CNTNAP5: variants seen among roughly 807,000 people sequenced by gnomAD.
CNTNAP5 encodes the protein contactin-associated protein-like 5.
Under a neutral mutation model 150.2 loss-of-function variants are expected in CNTNAP5, and 72 were observed. That is an observed-to-expected ratio of 0.48 (90% CI 0.40 to 0.58). The LOEUF is 0.58. CNTNAP5 is among the 20% of genes least tolerant of loss of function. The pLI is 0.00. For missense variants in CNTNAP5, 1,636 were observed against 1,626.2 expected (o/e 1.01, Z -0.10); for synonymous variants, 672 against 619.8 (o/e 1.08, Z -1.25).
At chr2:124,346,508 A>G (rs1415683551) in intron 3 of CNTNAP5, among the ~76,000 whole-genome samples, 2 of 152,160 alleles carry the variant, frequency 1.3e-5, no homozygotes, top group Non-Finnish European at 2.9e-5. Context: ...GCAGATGACA[A>G]TTTTAATAGT....
At chr2:124,365,199 GCAGCTACT>G (rs1166789460) in intron 3 of CNTNAP5, among the ~76,000 whole-genome samples, 1 of 151,794 alleles carries the variant, frequency 6.6e-6, no homozygotes, top group Non-Finnish European at 1.5e-5. Flanking sequence ...AATTGTGGTC[GCAGCTACT>G]CATGGGACTG....
intron 6 of CNTNAP5, among the ~76,000 whole-genome samples, chr2:124,469,265 C>T (rs1693448913): frequency 1.3e-5 from 2 of 152,234 alleles, no homozygotes; most frequent in African/African-American, 2.4e-5. Context: ...AAACTCTCCA[C>T]CCTGAATATT....
chr2:124,609,587 A>AAG (rs889734115), intron 11 of CNTNAP5, among the ~76,000 whole-genome samples: 16 of 151,562 alleles, frequency 1.1e-4, no homozygotes, highest in African/African-American at 3.2e-4. Context: ...TAATAATAAA[A>AAG]AGAGAGAGAG....
At position 124,230,514 on chromosome 2, in the gene CNTNAP5, A is replaced by G. The variant is rs186055944; in HGVS notation, c.187+8705A>G. Among the ~76,000 whole-genome samples the G allele has an allele frequency of 3.1e-3, 459 of 145,780 alleles. 1 individual carries two copies. The highest frequency in any genetic ancestry group is 0.011 in the African/African-American group (415 of 38,034). On this transcript the variant is annotated intron_variant, in intron 2 of 23. Transcript: ENST00000682447. ...CTTTTGTGTGTGTGTGTGTGTGTGTATATATATATATATAAATTATTATTT... is the reference window on the plus strand; with the variant it reads ...CTTTTGTGTGTGTGTGTGTGTGTGTGTATATATATATATAAATTATTATTT...
chr2:124,685,187 ACTT>A (rs1251687872), intron 13 of CNTNAP5, among the ~76,000 whole-genome samples: 9 of 152,262 alleles, frequency 5.9e-5, no homozygotes, highest in Admixed American at 2.6e-4. Context: ...CCCCTCGGAT[ACTT>A]CTTGTAATTC....
chr2:124,706,339 A>T (rs1046280318), intron 13 of CNTNAP5, among the ~76,000 whole-genome samples: 2 of 152,166 alleles, frequency 1.3e-5, no homozygotes, highest in Non-Finnish European at 2.9e-5. Flanking sequence ...TAATTCAGGG[A>T]AATTTTATTT....
chr2:124,581,698 C>G (rs543936998), intron 11 of CNTNAP5, among the ~76,000 whole-genome samples: 10 of 152,230 alleles, frequency 6.6e-5, no homozygotes, highest in African/African-American at 2.2e-4. Context: ...TACCCAAAGA[C>G]CTAGCCAGCA....
chr2:124,806,496 T>C lies in CNTNAP5; in HGVS notation c.3217+8176T>C, dbSNP rs114477629. 9.8e-3 allele frequency among the ~76,000 whole-genome samples: 1,491 copies of C among 152,306 alleles called. 26 individuals carry two copies. Among genetic ancestry groups the C allele is most frequent in the African/African-American group, 0.034 (1,428 of 41,564 alleles). On this transcript the variant is annotated intron_variant, in intron 19 of 23. Coordinates refer to ENST00000682447, the MANE Select transcript of CNTNAP5 (RefSeq NM_001367498.1). ...GGGTTGCTTGGGGAGTGGGTCTCTGTAGAGCTGGCATTCTGTGGCTCTACG... is the reference window on the plus strand; with the variant it reads ...GGGTTGCTTGGGGAGTGGGTCTCTGCAGAGCTGGCATTCTGTGGCTCTACG...
chr2:124,811,492 A>G (rs1388021075), intron 19 of CNTNAP5, among the ~76,000 whole-genome samples: 1 of 152,154 alleles, frequency 6.6e-6, no homozygotes, highest in Non-Finnish European at 1.5e-5. Context: ...TTTCCCTACC[A>G]ATAAATATGT....
chr2:124,407,637 A>G (rs960571840), intron 3 of CNTNAP5, among the ~76,000 whole-genome samples: 1 of 152,204 alleles, frequency 6.6e-6, no homozygotes, highest in Non-Finnish European at 1.5e-5. Flanking sequence ...TTTCAGGGAA[A>G]ATGGATGTAC....
intron 3 of CNTNAP5, among the ~76,000 whole-genome samples, chr2:124,393,558 G>T (rs1691171839): frequency 6.6e-6 from 1 of 152,208 alleles, no homozygotes; most frequent in Non-Finnish European, 1.5e-5. Flanking sequence ...ATGGGGTTCA[G>T]CCCCTAATGC....
chr2:124,664,954 TG>T (rs1399403012), intron 13 of CNTNAP5, among the ~76,000 whole-genome samples: 2 of 152,204 alleles, frequency 1.3e-5, no homozygotes, highest in Non-Finnish European at 2.9e-5. Flanking sequence ...CCCAAAGTGC[TG>T]GGATTATAGG....
intron 3 of CNTNAP5, among the ~76,000 whole-genome samples, chr2:124,352,324 C>T (rs753033597): frequency 7.2e-5 from 11 of 152,236 alleles, no homozygotes; most frequent in Middle Eastern, 3.4e-3. Flanking sequence ...CCTTACCTGT[C>T]GGAAGTCTCA....
chr2:124,599,954 C>G (rs896738789), intron 11 of CNTNAP5, among the ~76,000 whole-genome samples: 3 of 151,788 alleles, frequency 2.0e-5, no homozygotes, highest in Non-Finnish European at 1.5e-5. Flanking sequence ...GATTTAGAAC[C>G]ATGTCTTTTT....
intron 3 of CNTNAP5, among the ~76,000 whole-genome samples, chr2:124,402,469 A>G: frequency 6.6e-6 from 1 of 152,212 alleles, no homozygotes; most frequent in East Asian, 1.9e-4. Flanking sequence ...TCACTAGCAC[A>G]GCTCTGAGAG....
At chr2:124,346,696 T>C (rs750108077) in intron 3 of CNTNAP5, among the ~76,000 whole-genome samples, 1 of 152,046 alleles carries the variant, frequency 6.6e-6, no homozygotes, top group Non-Finnish European at 1.5e-5. Flanking sequence ...ATATGTTTAT[T>C]AAAGAACAAA....
chr2:124,077,327 C>T (rs943143850), intron 1 of CNTNAP5, among the ~76,000 whole-genome samples: 1 of 152,016 alleles, frequency 6.6e-6, no homozygotes, highest in East Asian at 1.9e-4. Context: ...TATTGTAAGC[C>T]TTATTTGAGA....
chr2:124,733,699 A>G (rs971855125), intron 13 of CNTNAP5, among the ~76,000 whole-genome samples: 1 of 152,168 alleles, frequency 6.6e-6, no homozygotes, highest in African/African-American at 2.4e-5. Context: ...TCATTTGCAA[A>G]TGAGATACTA....
intron 3 of CNTNAP5, among the ~76,000 whole-genome samples, chr2:124,269,619 G>T (rs1041671955): frequency 1.3e-5 from 2 of 152,016 alleles, no homozygotes; most frequent in Non-Finnish European, 2.9e-5. Context: ...AGAGAGGAAG[G>T]CCTCTGCAGA....
Sources: allele counts gnomAD v4.1 joint callset (sites outside exome capture counted in the v4.1 genomes callset), GRCh38; gene constraint gnomAD v4.1.1; transcripts MANE v1.5; gene names NCBI Gene and HGNC (gene_info 2026-07-23, HGNC 2026-07-21).